Variants in KCNA3 observed in about 807,000 individuals in gnomAD.
KCNA3 encodes the protein RP11-284N8.3.
KCNA3 carries 18 observed loss-of-function variants against 34.3 expected under a neutral mutation model. The observed-to-expected ratio is 0.52, with a 90% CI of 0.36 to 0.78. The LOEUF (loss-of-function observed/expected upper bound fraction) is 0.78. Ranked by LOEUF, KCNA3 falls within the 30% of genes least tolerant of loss-of-function variation. The pLI is 0.00. For synonymous variants in KCNA3, 324 were observed against 351.7 expected, an observed-to-expected ratio of 0.92 and a Z score of 0.88; for missense variants, 587 against 802.5, an observed-to-expected ratio of 0.73 and a Z score of 3.24.
At chr1:110,670,972 CT>C (rs1212390375), downstream of KCNA3, among the ~76,000 whole-genome samples, 5 of 152,130 alleles carry the variant, frequency 3.3e-5, no homozygotes, top group Admixed American at 1.3e-4. Context: ...CAAAAAACAA[CT>C]GTAGATAATG....
Position 110,673,245 on chromosome 1 carries a change from G to T in KCNA3, c.1565C>A (p.Ser522Ter). 1 of 1,614,024 alleles carries T rather than the reference G, an allele frequency of 6.2e-7. No homozygotes were observed. Among genetic ancestry groups the T allele is most frequent in the South Asian group, 1.1e-5 (1 of 91,056 alleles). The part of the protein sequence containing the change: ...AEELRKARSN[S>*]TLSKSEYMVI... The stretch of plus-strand genomic sequence containing the variant: ...CATATACTCCGACTTACTCAGAGTC[G>T]AGTTACTCCTTGCTTTTCGGAGCTC... Residue 522 changes from serine (S) to a stop codon, truncating the protein, a stop_gained, in exon 1 of 1, where the codon TCG becomes TAG. Coordinates refer to ENST00000369769, the MANE Select transcript of KCNA3 (RefSeq NM_002232.5). LOFTEE classifies it high-confidence loss of function. The surrounding 1 kb of genome is among the most constrained non-coding windows in gnomAD (Gnocchi z 8.8).
chr1:110,669,111 T>C (rs1414895657), downstream of KCNA3, among the ~76,000 whole-genome samples: 1 of 152,226 alleles, frequency 6.6e-6, no homozygotes, highest in East Asian at 1.9e-4. Context: ...GAACTGGCAA[T>C]CTCATTCTGC....
chr1:110,661,427 G>A, the KCNA3 span, among the ~76,000 whole-genome samples: 9 of 152,280 alleles, frequency 5.9e-5, no homozygotes, highest in South Asian at 2.1e-4. Flanking sequence ...GAAAGAGTAC[G>A]TTCACAGTAT....
chr1:110,658,422 TA>T, the KCNA3 span, among the ~76,000 whole-genome samples: 2 of 152,140 alleles, frequency 1.3e-5, no homozygotes, highest in Admixed American at 1.3e-4. Context: ...AATATGGAAA[TA>T]AAAAAGGGTT....
chr1:110,663,250 T>C, the KCNA3 span, among the ~76,000 whole-genome samples: 2 of 152,126 alleles, frequency 1.3e-5, no homozygotes, highest in Non-Finnish European at 2.9e-5. Flanking sequence ...AAAATAAAAC[T>C]ATAGATTTCA....
At chr1:110,657,737 G>A in the KCNA3 span, among the ~76,000 whole-genome samples, 4 of 152,088 alleles carry the variant, frequency 2.6e-5, no homozygotes, top group Non-Finnish European at 4.4e-5. Context: ...GGTAGTTTTT[G>A]TGTCTATTTT....
At chr1:110,670,253 A>C (rs191098318), downstream of KCNA3, among the ~76,000 whole-genome samples, 602 of 152,338 alleles carry the variant, frequency 4.0e-3, 10 homozygotes, top group African/African-American at 0.014. Flanking sequence ...GCTAGGCACT[A>C]GTACCTAAAA....
At position 110,674,504 on chromosome 1, in the gene KCNA3, G is replaced by C. The variant is rs759452672; in HGVS notation, c.306C>G (p.Cys102Trp). Reference protein sequence around the residue: ...SLPAAGEQDCCGERVVINISG... With the variant: ...SLPAAGEQDCWGERVVINISG... ...AGATGTTGATGACCACGCGCTCCCC[G>C]CAGCAGTCCTGCTCGCCCGCGGCCG... Residue 102 changes from cysteine to tryptophan, a missense_variant, in exon 1 of 1, where the codon TGC becomes TGG. Physicochemically the swap from Cys to Trp is radical, Grantham distance 215. Around this residue, in one of 7 missense-constraint regions of KCNA3, gnomAD observed 341 missense variants for 355.4 expected, o/e 0.96. Transcript: ENST00000369769. The surrounding 1 kb of genome is among the most constrained non-coding windows in gnomAD (Gnocchi z 6.4). 6.2e-7 allele frequency: 1 copy of C among 1,613,324 alleles called. No homozygotes were observed. Among genetic ancestry groups the C allele is most frequent in the Non-Finnish European group, 8.5e-7 (1 of 1,179,788 alleles).
chr1:110,664,332 G>T, the KCNA3 span, among the ~76,000 whole-genome samples: 1 of 152,084 alleles, frequency 6.6e-6, no homozygotes, highest in African/African-American at 2.4e-5. Context: ...TAGTGACTAG[G>T]TACCCTCAAT....
the KCNA3 span, chr1:110,656,642 T>A: frequency 3.3e-5 from 5 of 152,346 alleles, no homozygotes; most frequent in East Asian, 9.6e-4. Context: ...GCTCTACCAA[T>A]CTGCTTCTTG....
At chr1:110,664,973 G>A in the KCNA3 span, among the ~76,000 whole-genome samples, 2 of 152,170 alleles carry the variant, frequency 1.3e-5, no homozygotes, top group Non-Finnish European at 2.9e-5. Context: ...CATGCCTGGT[G>A]TATTTGAAGA....
In KCNA3 at chr1:110,673,864, C is replaced by T. The variant is rs368270224; in HGVS notation, c.946G>A (p.Ala316Thr). ...FSFELLVRFF[A>T]CPSKATFSRN... The stretch of plus-strand genomic sequence containing the variant: ...GAGAAGGTGGCTTTGCTAGGACAAG[C>T]GAAGAACCGCACCAGCAGTTCGAAG... The change falls in exon 1 of 1, where the codon GCT (alanine) becomes ACT (threonine). Residue 316 changes from alanine to threonine, a missense_variant. This residue lies in a region of KCNA3 where 84 missense variants were observed against 223.1 expected (regional missense o/e 0.38). Coordinates refer to ENST00000369769, the MANE Select transcript of KCNA3 (RefSeq NM_002232.5). This position sits in a 1 kb window ranked among gnomAD's most constrained non-coding sequence, Gnocchi z 8.8. 3.7e-6 allele frequency: 6 copies of T among 1,614,038 alleles called. No homozygotes were observed. The South Asian group carries it at 4.4e-5, about 12-fold the overall frequency.
At position 110,673,247 on chromosome 1, in the gene KCNA3, G is replaced by C. The variant is rs41281374; in HGVS notation, c.1563C>G (p.Asn521Lys). 1.1e-4 allele frequency: 174 copies of C among 1,614,100 alleles called. No homozygotes were observed. Among genetic ancestry groups the C allele is most frequent in the Non-Finnish European group, 1.4e-4 (171 of 1,180,016 alleles). Residue 521 changes from asparagine to lysine, a missense_variant, in exon 1 of 1, where the codon AAC becomes AAG. Asn to Lys is a moderately conservative substitution (Grantham distance 94, BLOSUM62 0). Transcript: ENST00000369769. The surrounding 1 kb of genome is among the most constrained non-coding windows in gnomAD (Gnocchi z 8.8). ...TATACTCCGACTTACTCAGAGTCGA[G>C]TTACTCCTTGCTTTTCGGAGCTCCT... is the stretch of plus-strand genomic sequence containing the variant. ...SAEELRKARS[N>K]STLSKSEYMV...
chr1:110,655,582 A>G, the KCNA3 span: 13 of 152,204 alleles, frequency 8.5e-5, no homozygotes, highest in African/African-American at 3.1e-4. Context: ...AATTACACCT[A>G]AAGTGAAAAT....
Position 110,674,758 on chromosome 1 carries a change from G to A in KCNA3, c.52C>T (p.His18Tyr). ...GGGCGCTGAGGAGGGTGGGCGCGGTGGCGGGCTGAGGGCGGCGGCGGCGAG... is the reference window on the plus strand; with the variant it reads ...GGGCGCTGAGGAGGGTGGGCGCGGTAGCGGGCTGAGGGCGGCGGCGGCGAG... Reference protein sequence around the residue: ...LRSPPPPSARHRAHPPQRPAS... With the variant: ...LRSPPPPSARYRAHPPQRPAS... The change falls in exon 1 of 1, where the codon CAC (histidine) becomes TAC (tyrosine). Residue 18 changes from histidine to tyrosine, a missense_variant. By Grantham distance (83) the His-to-Tyr change is moderately conservative. This residue lies in a region of KCNA3 where 341 missense variants were observed against 355.4 expected (regional missense o/e 0.96). Coordinates refer to ENST00000369769, the MANE Select transcript of KCNA3 (RefSeq NM_002232.5). This position sits in a 1 kb window ranked among gnomAD's most constrained non-coding sequence, Gnocchi z 6.4. The A allele has an allele frequency of 2.9e-6, 4 of 1,361,258 alleles. No homozygotes were observed. The highest frequency in any genetic ancestry group is 3.8e-6 in the Non-Finnish European group (4 of 1,064,860). The allele number at this position is 1,361,258 out of a possible 1,614,324, so 84.3% of individuals were successfully genotyped here. A position where few individuals can be genotyped will look rare whatever the true frequency, so the allele number is the denominator to read the frequency against.
Position 110,674,735 on chromosome 1 carries a change from G to C in KCNA3, c.75C>G (p.Arg25=), listed in dbSNP as rs545375864. Residue 25 remains arginine (R), a synonymous_variant, in exon 1 of 1, where the codon CGC becomes CGG. Transcript: ENST00000369769. The surrounding 1 kb of genome is among the most constrained non-coding windows in gnomAD (Gnocchi z 6.4). ...TGTGGGCACCGCCGCTGCTCGCTGG[G>C]CGCTGAGGAGGGTGGGCGCGGTGGC... The part of the protein sequence containing the change: ...SARHRAHPPQ[R]PASSGGAHTL... The C allele has an allele frequency of 1.0e-4, 148 of 1,424,018 alleles. No individual in the cohort carries two copies. The highest frequency in any genetic ancestry group is 1.2e-4 in the Non-Finnish European group (136 of 1,096,926). 88.2% of individuals were successfully genotyped at this position (1,424,018 alleles called of 1,614,324 possible).
At position 110,673,023 on chromosome 1, in the gene KCNA3, C is replaced by T; in HGVS notation, c.*59G>A. On this transcript the variant is annotated 3_prime_UTR_variant, in exon 1 of 1. Transcript: ENST00000369769. The surrounding 1 kb of genome is among the most constrained non-coding windows in gnomAD (Gnocchi z 8.8). ...GAAATGTATAAAACAAGGGCATAGG[C>T]AGACCAAGGGGGCACGTTCCACACA... is the stretch of plus-strand genomic sequence containing the variant. 6.6e-7 allele frequency: 1 copy of T among 1,503,770 alleles called. No individual in the cohort carries two copies. The highest frequency in any genetic ancestry group is 2.3e-5 in the East Asian group (1 of 44,202). The allele number at this position is 1,503,770 out of a possible 1,614,324, so 93.2% of individuals were successfully genotyped here. A position where few individuals can be genotyped will look rare whatever the true frequency, so the allele number is the denominator to read the frequency against.
chr1:110,674,351 C>T lies in KCNA3; in HGVS notation c.459G>A (p.Arg153=), dbSNP rs766274310. 3.1e-6 allele frequency: 5 copies of T among 1,614,160 alleles called. No individual in the cohort carries two copies. The highest frequency in any genetic ancestry group is 2.7e-5 in the African/African-American group (2 of 75,046). Residue 153 remains arginine, a synonymous_variant, in exon 1 of 1, where the codon CGG becomes CGA. Coordinates refer to ENST00000369769, the MANE Select transcript of KCNA3 (RefSeq NM_002232.5). The surrounding 1 kb of genome is among the most constrained non-coding windows in gnomAD (Gnocchi z 6.4). The stretch of plus-strand genomic sequence containing the variant: ...AGTAGAGGATGGCGTCGAAGCTGGG[C>T]CGGTTGCGGTCGAAGAAGTACTCGT... The part of the protein sequence containing the change: ...LRNEYFFDRN[R]PSFDAILYYY...
the KCNA3 span, among the ~76,000 whole-genome samples, chr1:110,661,882 G>C: frequency 2.6e-5 from 4 of 152,060 alleles, no homozygotes; most frequent in Admixed American, 2.6e-4. Context: ...GCCAACGCGG[G>C]CGGATCACGA....
Sources: allele counts gnomAD v4.1 joint callset (sites outside exome capture counted in the v4.1 genomes callset), GRCh38; gene constraint gnomAD v4.1.1; regional missense constraint gnomAD v4.1.1; non-coding constraint Gnocchi (gnomAD v3.1); transcripts MANE v1.5; gene names NCBI Gene and HGNC (gene_info 2026-07-23, HGNC 2026-07-21).